Variants in MYO10 observed in about 807,000 individuals in gnomAD.
The protein encoded by MYO10 is myosin X, also known as unconventional myosin-X.
In MYO10, 133 loss-of-function variants were observed where a neutral mutation model predicts 257.3. The ratio of observed to expected loss-of-function variants is 0.52; its 90% CI spans 0.45 to 0.60. MYO10 has a LOEUF of 0.60. Ranked by LOEUF, MYO10 falls within the 20% of genes least tolerant of loss-of-function variation. The pLI is 0.00. For synonymous variants in MYO10, 1,104 were observed against 1,028.6 expected (o/e 1.07, Z -1.40); for missense variants, 2,399 against 2,635.7 (o/e 0.91, Z 1.97).
chr5:16,836,405 G>C (rs1046162377), intron 2 of MYO10, among the ~76,000 whole-genome samples: 1 of 152,144 alleles, frequency 6.6e-6, no homozygotes, highest in African/African-American at 2.4e-5. Flanking sequence ...CACCTCCAGT[G>C]GTTTGCATCT....
intron 1 of MYO10, among the ~76,000 whole-genome samples, chr5:16,931,880 T>C (rs1297546343): frequency 1.3e-5 from 2 of 152,234 alleles, no homozygotes; most frequent in African/African-American, 4.8e-5. Context: ...GTCCACATTT[T>C]TCTCTAACAA....
chr5:16,715,906 A>G (rs2126588143), intron 19 of MYO10, among the ~76,000 whole-genome samples: 1 of 152,204 alleles, frequency 6.6e-6, no homozygotes, highest in East Asian at 1.9e-4. Flanking sequence ...AAATACAAAA[A>G]TCAGCCGAGT....
At chr5:16,777,356 C>T (rs1385538257) in intron 9 of MYO10, among the ~76,000 whole-genome samples, 3 of 152,094 alleles carry the variant, frequency 2.0e-5, no homozygotes, top group Admixed American at 6.6e-5. Flanking sequence ...TAGCCTAGTC[C>T]GTTTGGAATT....
At chr5:16,758,460 T>C (rs250340) in intron 17 of MYO10, among the ~76,000 whole-genome samples, 35,852 of 152,204 alleles carry the variant, frequency 0.24, 4,576 homozygotes, top group Non-Finnish European at 0.27. Context: ...GGGACTGGCA[T>C]GACAGTGACA....
At chr5:16,860,801 A>G (rs1303739903) in intron 2 of MYO10, among the ~76,000 whole-genome samples, 4 of 148,570 alleles carry the variant, frequency 2.7e-5, no homozygotes, top group Non-Finnish European at 5.9e-5. Flanking sequence ...GAGCTATTCC[A>G]AATCAACGCA....
rs750049105 is a variant in MYO10, at chr5:16,681,411, A to G, written c.4282T>C (p.Tyr1428His). Residue 1428 changes from tyrosine (Y) to histidine (H), a missense_variant, in exon 32 of 41, where the codon TAC becomes CAC. This residue lies in a region of MYO10 where 1,820 missense variants were observed against 1,939.4 expected (regional missense o/e 0.94). Coordinates refer to ENST00000513610, the MANE Select transcript of MYO10 (RefSeq NM_012334.3). Reference sequence around the variant, plus strand: ...GCGTTCTTCTCTGAACTCTTGTAGTAATCCAGGGAATTGTGGGTGAGTACA... The same window carrying G: ...GCGTTCTTCTCTGAACTCTTGTAGTGATCCAGGGAATTGTGGGTGAGTACA... ...WFVLTHNSLD[Y>H]YKSSEKNALK... 6.2e-7 allele frequency: 1 copy of G among 1,613,992 alleles called. No homozygotes were observed. The highest frequency in any genetic ancestry group is 1.1e-5 in the South Asian group (1 of 91,084).
chr5:16,868,600 G>A lies in MYO10; in HGVS notation c.120+9009C>T, dbSNP rs111438017. ...AGCCTGGGTGACAGAGCAAGACTCCGTCTCAAAAAAAAAAAAAAATTCTGC... is the reference window on the plus strand; with the variant it reads ...AGCCTGGGTGACAGAGCAAGACTCCATCTCAAAAAAAAAAAAAAATTCTGC... On this transcript the variant is annotated intron_variant, in intron 2 of 40. Coordinates refer to ENST00000513610, the MANE Select transcript of MYO10 (RefSeq NM_012334.3). 9.9e-3 allele frequency among the ~76,000 whole-genome samples: 1,490 copies of A among 150,408 alleles called. 27 individuals are homozygous for A. Among genetic ancestry groups the A allele is most frequent in the African/African-American group, 0.034 (1,393 of 40,918 alleles).
At chr5:16,807,542 C>G (rs560041373) in intron 3 of MYO10, among the ~76,000 whole-genome samples, 3 of 152,062 alleles carry the variant, frequency 2.0e-5, no homozygotes, top group African/African-American at 7.2e-5. Flanking sequence ...TTCATGAGTC[C>G]GTTCAAGCTC....
intron 19 of MYO10, among the ~76,000 whole-genome samples, chr5:16,716,084 G>A: frequency 6.7e-6 from 1 of 148,836 alleles, no homozygotes; most frequent in African/African-American, 2.5e-5. Flanking sequence ...TTAAGTACCA[G>A]TCTAACACTG....
intron 1 of MYO10, among the ~76,000 whole-genome samples, chr5:16,885,984 T>G (rs924222169): frequency 1.3e-5 from 2 of 151,944 alleles, no homozygotes; most frequent in African/African-American, 2.4e-5. Flanking sequence ...TCAAACAGAG[T>G]AGGGCACCCA....
chr5:16,731,851 C>T (rs1219152155), intron 19 of MYO10, among the ~76,000 whole-genome samples: 1 of 152,226 alleles, frequency 6.6e-6, no homozygotes, highest in Non-Finnish European at 1.5e-5. Context: ...GCTGTGTTCA[C>T]TCTGGGATCA....
At chr5:16,837,027 T>C (rs1743333014) in intron 2 of MYO10, among the ~76,000 whole-genome samples, 1 of 152,176 alleles carries the variant, frequency 6.6e-6, no homozygotes, top group Non-Finnish European at 1.5e-5. Context: ...GATGTACTGA[T>C]AGGCAGGGAG....
intron 19 of MYO10, chr5:16,713,446 A>T (rs993728933): frequency 2.1e-5 from 21 of 985,692 alleles, no homozygotes; most frequent in Non-Finnish European, 2.5e-5. Flanking sequence ...ATGGAACAAT[A>T]ATGAACACCA....
intron 2 of MYO10, among the ~76,000 whole-genome samples, chr5:16,821,701 C>T (rs1046145152): frequency 5.9e-5 from 9 of 151,656 alleles, no homozygotes; most frequent in South Asian, 2.1e-4. Context: ...CTCCTGACCT[C>T]GTGATCCACC....
At chr5:16,785,503 T>C (rs890820205) in intron 4 of MYO10, among the ~76,000 whole-genome samples, 1 of 152,250 alleles carries the variant, frequency 6.6e-6, no homozygotes, top group Non-Finnish European at 1.5e-5. Context: ...AACAATGTTA[T>C]GTGTTCCTCA....
intron 1 of MYO10, among the ~76,000 whole-genome samples, chr5:16,891,380 G>GAAGA (rs1491574952): frequency 6.2e-5 from 7 of 113,246 alleles, no homozygotes; most frequent in Admixed American, 1.7e-4. Flanking sequence ...AGGAAGGAAG[G>GAAGA]AGAGAGAGAG....
chr5:16,817,906 A>G lies in MYO10; in HGVS notation c.279+103T>C, dbSNP rs1742672837. On this transcript the variant is annotated intron_variant, in intron 3 of 40. Transcript: ENST00000513610. ...CCCTTGAAAACATAATTTTACTTAG[A>G]TTAACAAGAATTCTCAAAAGGCAAG... 12 of 1,033,884 alleles carry G rather than the reference A, an allele frequency of 1.2e-5. No homozygotes were observed. The East Asian group carries it at 3.6e-4, about 31-fold the overall frequency. The allele number at this position is 1,033,884 out of a possible 1,614,324, so 64.0% of individuals were successfully genotyped here. A position where few individuals can be genotyped will look rare whatever the true frequency, so the allele number is the denominator to read the frequency against.
chr5:16,797,911 A>T (rs774469649), intron 3 of MYO10, among the ~76,000 whole-genome samples: 1 of 152,244 alleles, frequency 6.6e-6, no homozygotes, highest in Admixed American at 6.5e-5. Context: ...TTTAATTGCC[A>T]TTGTAACAGT....
chr5:16,895,260 G>C (rs1165203884), intron 1 of MYO10, among the ~76,000 whole-genome samples: 1 of 152,220 alleles, frequency 6.6e-6, no homozygotes, highest in South Asian at 2.1e-4. Flanking sequence ...TCCCTCAGGG[G>C]AATCAAGGGG....
Sources: allele counts gnomAD v4.1 joint callset (sites outside exome capture counted in the v4.1 genomes callset), GRCh38; gene constraint gnomAD v4.1.1; regional missense constraint gnomAD v4.1.1; transcripts MANE v1.5; gene names NCBI Gene and HGNC (gene_info 2026-07-23, HGNC 2026-07-21).